Variants in PCYT1B observed in about 807,000 individuals in gnomAD.
PCYT1B encodes choline-phosphate cytidylyltransferase B.
PCYT1B carries 10 observed loss-of-function variants against 26.4 expected under a neutral mutation model. The ratio of observed to expected loss-of-function variants is 0.38; its 90% CI spans 0.23 to 0.64. The LOEUF is 0.64. Ranked by LOEUF, PCYT1B falls within the 30% of genes least tolerant of loss-of-function variation. The pLI is 0.56. For missense variants in PCYT1B, 161 were observed against 292.7 expected (o/e 0.55, Z 3.28); for synonymous variants, 131 against 108.4 (o/e 1.21, Z -1.29).
intron 1 of PCYT1B, among the ~76,000 whole-genome samples, chrX:24,623,021 T>C (rs1480923785): frequency 1.8e-5 from 2 of 111,822 alleles, no homozygotes; most frequent in African/African-American, 6.5e-5. Flanking sequence ...TTTTGTAGTG[T>C]TTATTAGCAC....
At chrX:24,635,360 A>T (rs1190556164) in intron 1 of PCYT1B, among the ~76,000 whole-genome samples, 1 of 112,577 alleles carries the variant, frequency 8.9e-6, no homozygotes, top group Non-Finnish European at 1.9e-5. Flanking sequence ...GAAGACATAT[A>T]GAAAACATTG....
At chrX:24,660,928 A>G (rs1414909336) in intron 1 of PCYT1B, among the ~76,000 whole-genome samples, 1 of 111,740 alleles carries the variant, frequency 8.9e-6, no homozygotes, top group East Asian at 2.8e-4. Flanking sequence ...GCAGTGAACC[A>G]TGGCAGTCTC....
chrX:24,572,255 C>T (rs896190950), intron 7 of PCYT1B, among the ~76,000 whole-genome samples: 1 of 62,495 alleles, frequency 1.6e-5, no homozygotes, highest in Middle Eastern at 6.9e-3. Flanking sequence ...TCTACATACA[C>T]ACACGCGCGC....
chrX:24,631,532 A>G (rs763225360), intron 1 of PCYT1B, among the ~76,000 whole-genome samples: 21 of 111,777 alleles, frequency 1.9e-4, no homozygotes, highest in Non-Finnish European at 3.6e-4. Flanking sequence ...GAAAAAAAAA[A>G]TATTTTGGTT....
At chrX:24,623,131 T>C (rs1925749035) in intron 1 of PCYT1B, among the ~76,000 whole-genome samples, 1 of 110,601 alleles carries the variant, frequency 9.0e-6, no homozygotes, top group Non-Finnish European at 1.9e-5. Context: ...AGCAGCAATC[T>C]TCTAAAGTGA....
At position 24,558,096 on chromosome X, in the gene PCYT1B, G is replaced by GC. The variant is rs1234908243; in HGVS notation, c.*4196dup. The GC allele has an allele frequency of 8.9e-6, 1 of 112,083 alleles. No individual in the cohort carries two copies. The highest frequency in any genetic ancestry group is 3.3e-5 in the African/African-American group (1 of 30,714). 9.2% of individuals were successfully genotyped at this position (112,083 alleles called of 1,213,427 possible). ...CAATGACACACGAAAGTGCAATTCT[G>GC]CATCCCTTTATTTATAAACGAGTTG... On this transcript the variant is annotated 3_prime_UTR_variant, in exon 8 of 8. Transcript: ENST00000379144.
intron 5 of PCYT1B, among the ~76,000 whole-genome samples, chrX:24,586,605 AT>A (rs1924378917): frequency 8.9e-6 from 1 of 112,281 alleles, no homozygotes; most frequent in South Asian, 3.7e-4. Context: ...TCACTATAGT[AT>A]CTGCACCTGC....
chrX:24,614,805 A>C (rs1229324171), intron 2 of PCYT1B, among the ~76,000 whole-genome samples: 2 of 111,989 alleles, frequency 1.8e-5, no homozygotes, highest in Non-Finnish European at 3.8e-5. Flanking sequence ...AGATTCTTAA[A>C]AATTCTCCGA....
intron 3 of PCYT1B, 43 bp downstream of exon 3, chrX:24,607,702 C>A (rs12116104): frequency 1.4e-6 from 1 of 719,495 alleles, no homozygotes; most frequent in East Asian, 3.2e-5. Flanking sequence ...AGAAAGCATA[C>A]AATAAAAGAG....
At chrX:24,582,916 C>A (rs1443073779) in intron 5 of PCYT1B, among the ~76,000 whole-genome samples, 2 of 112,122 alleles carry the variant, frequency 1.8e-5, no homozygotes, top group African/African-American at 6.5e-5. Flanking sequence ...GTGATTCTCC[C>A]TCCTGCTAAG....
chrX:24,607,743 A>C lies in PCYT1B; in HGVS notation c.334+2T>G. On this transcript the variant is annotated splice_donor_variant, in intron 3 of 7. Transcript: ENST00000379144. LOFTEE classifies it high-confidence loss of function. ...TAGACAAAAAGAAAATGCACTTCTTACCTCCTACCAACAAGTAGCTGTTGG... is the reference window on the plus strand; with the variant it reads ...TAGACAAAAAGAAAATGCACTTCTTCCCTCCTACCAACAAGTAGCTGTTGG... 9.3e-7 allele frequency: 1 copy of C among 1,081,016 alleles called. No individual in the cohort carries two copies. Among genetic ancestry groups the C allele is most frequent in the Non-Finnish European group, 1.3e-6 (1 of 780,497 alleles). The allele number at this position is 1,081,016 out of a possible 1,213,427, so 89.1% of individuals were successfully genotyped here. A position where few individuals can be genotyped will look rare whatever the true frequency, so the allele number is the denominator to read the frequency against.
intron 7 of PCYT1B, among the ~76,000 whole-genome samples, chrX:24,571,787 A>G (rs1923836708): frequency 9.0e-6 from 1 of 110,877 alleles, no homozygotes; most frequent in Non-Finnish European, 1.9e-5. Context: ...ATCTCTACAA[A>G]AAATTTAAAA....
At chrX:24,671,337 G>GAATC (rs752057021) in intron 1 of PCYT1B, among the ~76,000 whole-genome samples, 27,153 of 86,881 alleles carry the variant, frequency 0.31, 3,005 homozygotes, top group South Asian at 0.41. Context: ...ATGAATGAAT[G>GAATC]AATGAATCAA....
chrX:24,651,467 AAAAAAATATAT>A (rs1279880834), upstream of PCYT1B, among the ~76,000 whole-genome samples: 2 of 30,441 alleles, frequency 6.6e-5, no homozygotes, highest in African/African-American at 2.4e-4. Context: ...AAAAAAAAAA[AAAAAAATATAT>A]ATATATATAT....
chrX:24,646,551 T>TC (rs773457064), intron 1 of PCYT1B, among the ~76,000 whole-genome samples: 2 of 111,045 alleles, frequency 1.8e-5, no homozygotes, highest in Non-Finnish European at 3.8e-5. Flanking sequence ...TCCATTTTTT[T>TC]CCCCCCAAAT....
chrX:24,615,569 A>G (rs1158465855), intron 2 of PCYT1B, among the ~76,000 whole-genome samples: 1 of 109,391 alleles, frequency 9.1e-6, no homozygotes, highest in Non-Finnish European at 1.9e-5. Context: ...GGTTCAAGAA[A>G]TTCTCCTGCC....
chrX:24,579,210 A>AGG, intron 6 of PCYT1B, 106 bp downstream of exon 6: 1 of 646,274 alleles, frequency 1.5e-6, no homozygotes, highest in Non-Finnish European at 2.3e-6. Context: ...AGAGAGAGAG[A>AGG]GAGGGAGAAC....
At chrX:24,585,918 G>A (rs780170768) in intron 5 of PCYT1B, among the ~76,000 whole-genome samples, 331 of 110,681 alleles carry the variant, frequency 3.0e-3, no homozygotes, top group Non-Finnish European at 5.1e-3. Flanking sequence ...ACAGTATTTG[G>A]TTCCATGTAA....
intron 2 of PCYT1B, among the ~76,000 whole-genome samples, chrX:24,612,072 T>C (rs1416860216): frequency 8.8e-6 from 1 of 113,003 alleles, no homozygotes; most frequent in Non-Finnish European, 1.9e-5. Flanking sequence ...AGAAGCAAGC[T>C]GCCATGTTGT....
Sources: allele counts gnomAD v4.1 joint callset (sites outside exome capture counted in the v4.1 genomes callset), GRCh38; gene constraint gnomAD v4.1.1; transcripts MANE v1.5; gene names NCBI Gene and HGNC (gene_info 2026-07-23, HGNC 2026-07-21).